The following RALGAPB variants were observed in gnomAD, a reference collection of about 807,000 sequenced individuals.
The protein encoded by RALGAPB is ral GTPase-activating protein subunit beta.
Under a neutral mutation model 161.1 loss-of-function variants are expected in RALGAPB, and 25 were observed. The observed-to-expected ratio is 0.16, with a 90% CI of 0.11 to 0.22. The LOEUF (loss-of-function observed/expected upper bound fraction) is 0.22, where lower values mean the gene tolerates loss of function less well. Ranked by LOEUF, RALGAPB falls within the 10% of genes least tolerant of loss-of-function variation. The pLI is 1.00. For synonymous variants in RALGAPB, 629 were observed against 626.1 expected (o/e 1.00, Z -0.07); for missense variants, 1,391 against 1,815.2 (o/e 0.77, Z 4.25).
intron 24 of RALGAPB, 51 bp downstream of exon 24, chr20:38,562,748 G>GTTTT: frequency 8.2e-7 from 1 of 1,221,692 alleles, no homozygotes; most frequent in Non-Finnish European, 1.1e-6. Context: ...TGTTAGTCTT[G>GTTTT]TTTTTTTTTT....
chr20:38,520,144 G>C (rs567582348), intron 9 of RALGAPB: 5 of 311,168 alleles, frequency 1.6e-5, no homozygotes, highest in Admixed American at 6.5e-5. Flanking sequence ...AAGCTAAAAA[G>C]CTTCTTAATT....
chr20:38,488,762 A>G (rs190724710), intron 2 of RALGAPB, 144 bp downstream of exon 2: 6 of 762,756 alleles, frequency 7.9e-6, no homozygotes, highest in Non-Finnish European at 1.0e-5. Flanking sequence ...TTTCTCCCCA[A>G]CGTAGTATGA....
chr20:38,510,371 A>G (rs1284606779), intron 6 of RALGAPB, among the ~76,000 whole-genome samples: 1 of 151,108 alleles, frequency 6.6e-6, no homozygotes, highest in African/African-American at 2.4e-5. Context: ...TCAGATTCAC[A>G]CTCTTATTTT....
chr20:38,479,431 T>C (rs2084900515), intron 1 of RALGAPB, among the ~76,000 whole-genome samples: 1 of 152,264 alleles, frequency 6.6e-6, no homozygotes, highest in African/African-American at 2.4e-5. Flanking sequence ...TGTCAGGCTA[T>C]GGTCTTAGAG....
rs2088380225 is a variant in RALGAPB at position 38,574,901 on chromosome 20, G to T, written c.4419G>T (p.Lys1473Asn). Residue 1473 changes from lysine (K) to asparagine (N), a missense_variant, in exon 30 of 30, where the codon AAG becomes AAT. Transcript: ENST00000262879. ...ACATTGTCAACAAGTACCGGAACAA[G>T]CAGCTGGAGCCAGAGTTTTATACTT... ...ITDIVNKYRNKQLEPEFYTSL... is the reference protein window; with the variant it reads ...ITDIVNKYRNNQLEPEFYTSL... The T allele has an allele frequency of 1.2e-6, 2 of 1,613,986 alleles. No individual in the cohort carries two copies. The highest frequency in any genetic ancestry group is 1.7e-6 in the Non-Finnish European group (2 of 1,179,960).
In RALGAPB at chr20:38,479,713, C is replaced by T. The variant is rs376285572; in HGVS notation, c.-31+6644C>T. On this transcript the variant is annotated intron_variant, in intron 1 of 29. Coordinates refer to ENST00000262879, the MANE Select transcript of RALGAPB (RefSeq NM_020336.4). ...GCTAGCAGCTCAGGTTGATAGCAGA[C>T]AGCCACCTGGGGAGGGGACTCAGGA... is the stretch of plus-strand genomic sequence containing the variant. Among the ~76,000 whole-genome samples, 44 of 152,306 alleles carry T rather than the reference C, an allele frequency of 2.9e-4. 1 individual carries two copies. The South Asian group carries it at 8.7e-3, about 30-fold the overall frequency.
chr20:38,555,319 G>T (rs2087540968), intron 22 of RALGAPB, among the ~76,000 whole-genome samples: 1 of 152,154 alleles, frequency 6.6e-6, no homozygotes. Flanking sequence ...TAGCTTTGTA[G>T]GAAAGTAATG....
intron 27 of RALGAPB, 150 bp from the exon 28 acceptor site, chr20:38,570,619 T>A: frequency 2.4e-6 from 1 of 419,184 alleles, no homozygotes; most frequent in Non-Finnish European, 4.2e-6. Flanking sequence ...ATTTTTTAAT[T>A]TGTAGAGAAT....
chr20:38,474,943 T>C (rs1473203954), intron 1 of RALGAPB, among the ~76,000 whole-genome samples: 1 of 152,246 alleles, frequency 6.6e-6, no homozygotes, highest in Non-Finnish European at 1.5e-5. Context: ...TCCCAGCTTA[T>C]AGAGTTTTGT....
At chr20:38,535,601 T>C (rs963339962) in intron 16 of RALGAPB, among the ~76,000 whole-genome samples, 1 of 151,964 alleles carries the variant, frequency 6.6e-6, no homozygotes, top group African/African-American at 2.4e-5. Context: ...ACCTTTTTTT[T>C]TTTTTTTTTG....
At chr20:38,504,101 C>CA (rs1396477149) in intron 5 of RALGAPB, among the ~76,000 whole-genome samples, 2 of 152,016 alleles carry the variant, frequency 1.3e-5, no homozygotes, top group African/African-American at 2.4e-5. Flanking sequence ...ATATTGCAAC[C>CA]AAAAAAGAGC....
chr20:38,539,215 C>G (rs2086895673), intron 16 of RALGAPB, among the ~76,000 whole-genome samples: 1 of 152,068 alleles, frequency 6.6e-6, no homozygotes, highest in Admixed American at 6.6e-5. Context: ...ATCGTGACAG[C>G]AGATCAGCAG....
chr20:38,561,698 TA>T (rs1652837544), intron 23 of RALGAPB, among the ~76,000 whole-genome samples: 1 of 152,220 alleles, frequency 6.6e-6, no homozygotes, highest in Admixed American at 6.5e-5. Flanking sequence ...TTCCTTCCTT[TA>T]AAAGTGAGTT....
At chr20:38,499,762 C>G (rs1422737711) in intron 5 of RALGAPB, 129 bp downstream of exon 5, 9 of 798,554 alleles carry the variant, frequency 1.1e-5, no homozygotes, top group Non-Finnish European at 1.6e-5. Flanking sequence ...AATTGAGCCA[C>G]TTTTTAAATA....
At chr20:38,511,983 G>T (rs966949244) in intron 6 of RALGAPB, among the ~76,000 whole-genome samples, 5 of 152,206 alleles carry the variant, frequency 3.3e-5, no homozygotes, top group Admixed American at 3.3e-4. Flanking sequence ...GGACGGGGCA[G>T]CTGGCGAGTC....
chr20:38,568,372 G>A (rs1018503494), intron 26 of RALGAPB: 1 of 152,034 alleles, frequency 6.6e-6, no homozygotes, highest in East Asian at 1.9e-4. Context: ...ACTATGAATA[G>A]AACTTTCTCA....
intron 23 of RALGAPB, among the ~76,000 whole-genome samples, chr20:38,560,783 G>C (rs2087759881): frequency 6.6e-6 from 1 of 152,180 alleles, no homozygotes; most frequent in African/African-American, 2.4e-5. Context: ...CCTTTGGAAT[G>C]TCTAAGACCT....
chr20:38,522,794 GAGA>G (rs994041947), intron 10 of RALGAPB, among the ~76,000 whole-genome samples: 5 of 152,296 alleles, frequency 3.3e-5, no homozygotes, highest in South Asian at 2.1e-4. Flanking sequence ...TAAGTAAAAG[GAGA>G]AGAAGTTGTG....
At chr20:38,508,147 C>A (rs951707969) in intron 5 of RALGAPB, among the ~76,000 whole-genome samples, 2 of 150,938 alleles carry the variant, frequency 1.3e-5, no homozygotes, top group Non-Finnish European at 1.5e-5. Context: ...ATATAAATAG[C>A]TATAATTTAT....
Sources: gnomAD v4.1 joint callset for allele counts (sites outside exome capture counted in the v4.1 genomes callset) on GRCh38, gnomAD v4.1.1 for gene constraint, MANE v1.5 for transcripts, NCBI Gene and HGNC (gene_info 2026-07-23, HGNC 2026-07-21) for gene names.